STON2: variants seen among roughly 807,000 people sequenced by gnomAD.
The protein encoded by STON2 is stonin 2, also known as stonin-2.
In STON2, 29 loss-of-function variants were observed where a neutral mutation model predicts 65.7. That is an observed-to-expected ratio of 0.44 (90% CI 0.33 to 0.60). STON2 has a LOEUF of 0.60. Among genes scored for constraint, STON2 ranks in the 20% least tolerant of loss-of-function variants. The pLI is 0.03. For missense variants in STON2, 1,054 were observed against 1,118.1 expected (o/e 0.94, Z 0.82); for synonymous variants, 404 against 414.2 (o/e 0.98, Z 0.30).
intron 5 of STON2, among the ~76,000 whole-genome samples, chr14:81,279,672 C>G (rs1440956291): frequency 6.6e-6 from 1 of 150,568 alleles, no homozygotes; most frequent in Non-Finnish European, 1.5e-5. Flanking sequence ...GCCTGGGCAA[C>G]AGAGCGAGAC....
At chr14:81,370,898 A>G (rs1034581297) in intron 4 of STON2, 90 bp downstream of exon 4, 5 of 1,127,170 alleles carry the variant, frequency 4.4e-6, no homozygotes, top group Non-Finnish European at 2.6e-6. Context: ...AAAGGAAGCC[A>G]GCTGCAGCAA....
chr14:81,367,365 C>T (rs1595402672), intron 4 of STON2, among the ~76,000 whole-genome samples: 2 of 152,076 alleles, frequency 1.3e-5, no homozygotes, highest in African/African-American at 4.8e-5. Context: ...TTAGTAGAGA[C>T]GGGGTTTCAC....
At chr14:81,322,844 C>T (rs1157537977) in intron 5 of STON2, among the ~76,000 whole-genome samples, 1 of 152,206 alleles carries the variant, frequency 6.6e-6, no homozygotes, top group Non-Finnish European at 1.5e-5. Flanking sequence ...ATATGTTAAG[C>T]ATAGGCTGCT....
intron 3 of STON2, 60 bp downstream of exon 3, chr14:81,395,833 TC>T: frequency 1.3e-6 from 2 of 1,561,698 alleles, no homozygotes; most frequent in Non-Finnish European, 1.8e-6. Flanking sequence ...CCTATAGACC[TC>T]TCACTGAAAA....
At chr14:81,313,339 C>T (rs974285807) in intron 5 of STON2, among the ~76,000 whole-genome samples, 3 of 152,174 alleles carry the variant, frequency 2.0e-5, no homozygotes, top group Admixed American at 2.0e-4. Flanking sequence ...GCAATATAAT[C>T]ATCTTTAGAC....
intron 4 of STON2, among the ~76,000 whole-genome samples, chr14:81,353,584 T>G (rs1898105801): frequency 6.6e-6 from 1 of 151,986 alleles, no homozygotes; most frequent in Non-Finnish European, 1.5e-5. Context: ...CTCCTCCCCT[T>G]CCCCCACAAG....
intron 2 of STON2, among the ~76,000 whole-genome samples, chr14:81,409,811 T>C (rs1901061444): frequency 6.6e-6 from 1 of 152,234 alleles, no homozygotes; most frequent in Admixed American, 6.5e-5. Context: ...CCAGCATCCA[T>C]TTCTTCTCAT....
intron 5 of STON2, among the ~76,000 whole-genome samples, 104 bp downstream of exon 5, chr14:81,323,913 T>C (rs1303353944): frequency 1.3e-5 from 2 of 151,986 alleles, no homozygotes; most frequent in Non-Finnish European, 2.9e-5. Flanking sequence ...ACAAAACACC[T>C]TCAATTGTCT....
At position 81,381,525 on chromosome 14, in the gene STON2, A is replaced by G. The variant is rs75969253; in HGVS notation, c.374-10340T>C. 1.5e-3 allele frequency among the ~76,000 whole-genome samples: 210 copies of G among 137,164 alleles called. 2 individuals carry two copies. In the East Asian group the frequency reaches 0.04, roughly 26 times the overall value. 90.0% of individuals were successfully genotyped at this position (137,164 alleles called of 152,430 possible). On this transcript the variant is annotated intron_variant, in intron 3 of 7. Transcript: ENST00000614646. ...TGAACAGGGATTTCATGAAAGAAAA[A>G]TCCAAATGGCACCAAAAAAGGATGC...
intron 5 of STON2, among the ~76,000 whole-genome samples, chr14:81,286,410 C>T (rs191830148): frequency 1.1e-3 from 174 of 152,272 alleles, no homozygotes; most frequent in African/African-American, 3.8e-3. Context: ...TCAGCAGCCA[C>T]CACCCTGAGG....
chr14:81,390,199 A>G (rs908961840), intron 3 of STON2, among the ~76,000 whole-genome samples: 20 of 152,010 alleles, frequency 1.3e-4, no homozygotes, highest in Non-Finnish European at 4.4e-5. Flanking sequence ...ATTTCAAAAA[A>G]AAAAAAAAAG....
In STON2 at chr14:81,265,804, T is replaced by C; in HGVS notation, c.*2610A>G. 1 of 985,228 alleles carries C rather than the reference T, an allele frequency of 1.0e-6. No homozygotes were observed. The highest frequency in any genetic ancestry group is 1.2e-6 in the Non-Finnish European group (1 of 829,890). The allele number at this position is 985,228 out of a possible 1,614,324, so 61.0% of individuals were successfully genotyped here. A position where few individuals can be genotyped will look rare whatever the true frequency, so the allele number is the denominator to read the frequency against. On this transcript the variant is annotated 3_prime_UTR_variant, in exon 8 of 8. Transcript: ENST00000614646. ...TGCATGTACACAGGAAATGAGAATT[T>C]ACCATGGGGGGCGGGGAAATAAGCT...
At chr14:81,274,501 A>G (rs1419371768) in intron 6 of STON2, among the ~76,000 whole-genome samples, 1 of 151,770 alleles carries the variant, frequency 6.6e-6, no homozygotes, top group East Asian at 1.9e-4. Flanking sequence ...TCCTGTATCC[A>G]TCCTCCCTCT....
chr14:81,391,587 T>C (rs1029460534), intron 3 of STON2, among the ~76,000 whole-genome samples: 1 of 152,232 alleles, frequency 6.6e-6, no homozygotes, highest in Non-Finnish European at 1.5e-5. Flanking sequence ...GTTTGGGTAA[T>C]AGGAATGTAC....
chr14:81,332,093 A>C (rs1595362528), intron 4 of STON2, among the ~76,000 whole-genome samples: 1 of 152,174 alleles, frequency 6.6e-6, no homozygotes, highest in South Asian at 2.1e-4. Context: ...GCCAAAACCA[A>C]ATTTCTGGAG....
At chr14:81,420,576 T>A (rs17111807) in intron 2 of STON2, among the ~76,000 whole-genome samples, 3,273 of 151,994 alleles carry the variant, frequency 0.022, 130 homozygotes, top group East Asian at 0.17. Context: ...ACCAGGGCAA[T>A]GAGGAGAATG....
At chr14:81,339,914 G>C (rs1897526618) in intron 4 of STON2, among the ~76,000 whole-genome samples, 1 of 152,198 alleles carries the variant, frequency 6.6e-6, no homozygotes, top group African/African-American at 2.4e-5. Flanking sequence ...CAACACTTTG[G>C]GAGGCCAAGG....
intron 3 of STON2, among the ~76,000 whole-genome samples, chr14:81,381,682 G>A (rs1389410755): frequency 6.6e-6 from 1 of 152,154 alleles, no homozygotes; most frequent in Admixed American, 6.5e-5. Context: ...CCTAAGTGCA[G>A]CTGAGGAAAT....
chr14:81,303,054 TGG>T (rs139986169), intron 5 of STON2, among the ~76,000 whole-genome samples: 60,052 of 143,526 alleles, frequency 0.42, 13,813 homozygotes, highest in Non-Finnish European at 0.52. Context: ...TGTACATGTG[TGG>T]GGGGTGTGTG....
Sources: gnomAD v4.1 joint callset for allele counts (sites outside exome capture counted in the v4.1 genomes callset) on GRCh38, gnomAD v4.1.1 for gene constraint, MANE v1.5 for transcripts, NCBI Gene and HGNC (gene_info 2026-07-23, HGNC 2026-07-21) for gene names.